The following MYO9A variants were observed in gnomAD, a reference collection of about 807,000 sequenced individuals.
MYO9A encodes unconventional myosin-IXa.
Under a neutral mutation model 293.3 loss-of-function variants are expected in MYO9A, and 103 were observed. The observed-to-expected ratio is 0.35, with a 90% CI of 0.30 to 0.41. The LOEUF is 0.41. MYO9A is among the 10% of genes least tolerant of loss of function. The pLI, the probability that MYO9A is intolerant of heterozygous loss-of-function variation, is 1.00. For missense variants in MYO9A, 2,685 were observed against 3,033.0 expected (o/e 0.89, Z 2.69); for synonymous variants, 1,001 against 1,035.7 (o/e 0.97, Z 0.64).
intron 3 of MYO9A, among the ~76,000 whole-genome samples, chr15:72,029,809 G>A (rs1184163557): frequency 1.3e-5 from 2 of 152,096 alleles, no homozygotes; most frequent in Non-Finnish European, 2.9e-5. Flanking sequence ...CATTGGAAAG[G>A]GGTTCTAGAA....
At chr15:71,866,924 G>A (rs2056346658) in intron 32 of MYO9A, among the ~76,000 whole-genome samples, 1 of 152,072 alleles carries the variant, frequency 6.6e-6, no homozygotes, top group African/African-American at 2.4e-5. Flanking sequence ...AGGCGTGGTG[G>A]CGCACACCTG....
chr15:71,948,953 A>T (rs57686438), intron 15 of MYO9A, among the ~76,000 whole-genome samples: 11 of 55,452 alleles, frequency 2.0e-4, no homozygotes, highest in East Asian at 1.6e-3. Flanking sequence ...TTTTTTTGTG[A>T]GGGGGGGGGA....
chr15:72,027,648 G>T, intron 4 of MYO9A, 83 bp downstream of exon 4: 1 of 1,036,796 alleles, frequency 9.6e-7, no homozygotes, highest in Non-Finnish European at 1.5e-6. Flanking sequence ...TGAATTAAGG[G>T]TCATAATACA....
intron 8 of MYO9A, among the ~76,000 whole-genome samples, chr15:72,005,331 C>A (rs905071502): frequency 6.6e-6 from 1 of 152,140 alleles, no homozygotes; most frequent in Non-Finnish European, 1.5e-5. Flanking sequence ...AGCTGAGTTC[C>A]TCTTTGAGTT....
intron 15 of MYO9A, among the ~76,000 whole-genome samples, chr15:71,951,364 C>A (rs777563061): frequency 6.6e-6 from 1 of 151,996 alleles, no homozygotes; most frequent in Non-Finnish European, 1.5e-5. Flanking sequence ...TGCCTACATA[C>A]GTCAAAACTT....
intron 39 of MYO9A, among the ~76,000 whole-genome samples, chr15:71,832,991 G>A (rs1217791320): frequency 2.0e-5 from 3 of 151,194 alleles, no homozygotes; most frequent in Non-Finnish European, 4.4e-5. Flanking sequence ...TAGTAAAAGA[G>A]TAAAACTTCC....
intron 1 of MYO9A, among the ~76,000 whole-genome samples, chr15:72,047,405 G>T (rs56724924): frequency 3.9e-4 from 59 of 152,170 alleles, no homozygotes; most frequent in African/African-American, 1.4e-3. Flanking sequence ...TTCCTTACAA[G>T]TATTCTGCAT....
chr15:71,892,940 T>G (rs981236107), intron 26 of MYO9A: 2 of 1,214,718 alleles, frequency 1.6e-6, no homozygotes, highest in Admixed American at 6.5e-5. Flanking sequence ...TGCTTGCTAT[T>G]TTTCTTATAT....
At chr15:71,965,670 C>T (rs571402044) in intron 13 of MYO9A, among the ~76,000 whole-genome samples, 1 of 152,106 alleles carries the variant, frequency 6.6e-6, no homozygotes, top group East Asian at 1.9e-4. Flanking sequence ...ACCTGGAGGG[C>T]GGAGGTTGCA....
rs1173380319 is a variant in MYO9A at position 71,960,103 on chromosome 15, G to A, written c.1987-7C>T. 1 of 1,609,476 alleles carries A rather than the reference G, an allele frequency of 6.2e-7. No individual in the cohort carries two copies. The highest frequency in any genetic ancestry group is 8.5e-7 in the Non-Finnish European group (1 of 1,178,446). On this transcript the variant is annotated splice_region_variant and splice_polypyrimidine_tract_variant and intron_variant, in intron 13 of 41. Transcript: ENST00000356056. Reference sequence around the variant, plus strand: ...TATTTTTTTCCCGGAAATCCTATATGAAAAAAGTACCAGTGTTACTTATGG... The same window carrying A: ...TATTTTTTTCCCGGAAATCCTATATAAAAAAAGTACCAGTGTTACTTATGG...
At chr15:72,098,770 G>C (rs1450214782) in intron 1 of MYO9A, among the ~76,000 whole-genome samples, 16 of 151,964 alleles carry the variant, frequency 1.1e-4, no homozygotes, top group Admixed American at 1.0e-3. Context: ...CCAGGAGTTC[G>C]AGACCAGCCT....
In MYO9A at chr15:71,887,999, T is replaced by C; in HGVS notation, c.5255+5A>G. 1 of 1,498,834 alleles carries C rather than the reference T, an allele frequency of 6.7e-7. No homozygotes were observed. Among genetic ancestry groups the C allele is most frequent in the Non-Finnish European group, 9.3e-7 (1 of 1,080,462 alleles). 92.8% of individuals were successfully genotyped at this position (1,498,834 alleles called of 1,614,324 possible). Reference sequence around the variant, plus strand: ...ACCCCTGTTAACTCCGTGTATACTTTATACCTTATATCTGAATCTGAAGCC... The same window carrying C: ...ACCCCTGTTAACTCCGTGTATACTTCATACCTTATATCTGAATCTGAAGCC... On this transcript the variant is annotated splice_donor_5th_base_variant and intron_variant, in intron 27 of 41. Transcript: ENST00000356056.
At position 72,046,155 on chromosome 15, in the gene MYO9A, G is replaced by A. The variant is rs1297349712; in HGVS notation, c.409C>T (p.Arg137Trp). 16 of 1,614,010 alleles carry A rather than the reference G, an allele frequency of 9.9e-6. No homozygotes were observed. Among genetic ancestry groups the A allele is most frequent in the East Asian group, 2.2e-5 (1 of 44,890 alleles). ...TGTTGAGGCTGTGGAAGAAAACCCC[G>A]TTCCATCATCCTGCGACGTTCTTCT... ...VTEERRRMME[R>W]GFLPQPQQKD... is the part of the protein sequence containing the mutation. Residue 137 changes from arginine to tryptophan, a missense_variant, in exon 2 of 42, where the codon CGG becomes TGG. Arg to Trp is a moderately radical substitution (Grantham distance 101). Coordinates refer to ENST00000356056, the MANE Select transcript of MYO9A (RefSeq NM_006901.4).
intron 1 of MYO9A, chr15:72,114,128 C>G (rs1488162841): frequency 6.6e-6 from 1 of 152,104 alleles, no homozygotes; most frequent in Non-Finnish European, 1.5e-5. Flanking sequence ...TCTTTTTCTT[C>G]TTGAGAGCAA....
chr15:72,117,739 A>G lies in MYO9A; in HGVS notation c.-131T>C. On this transcript the variant is annotated 5_prime_UTR_variant, in exon 1 of 42. Coordinates refer to ENST00000356056, the MANE Select transcript of MYO9A (RefSeq NM_006901.4). ...TCCTCTTCGACGGAAGCTGCCTTCC[A>G]CCCTCCGCCCCAGGGTAGGACCGGA... The G allele has an allele frequency of 2.5e-6, 1 of 397,608 alleles. No homozygotes were observed. The highest frequency in any genetic ancestry group is 4.4e-6 in the Non-Finnish European group (1 of 225,212). The allele number at this position is 397,608 out of a possible 1,614,324, so 24.6% of individuals were successfully genotyped here. A position where few individuals can be genotyped will look rare whatever the true frequency, so the allele number is the denominator to read the frequency against.
chr15:72,060,461 G>C (rs1454401080), intron 1 of MYO9A, among the ~76,000 whole-genome samples: 2 of 152,108 alleles, frequency 1.3e-5, no homozygotes, highest in Non-Finnish European at 2.9e-5. Flanking sequence ...AGACAGTCTT[G>C]AACTGCCAAC....
chr15:71,903,737 A>G (rs1461846803), intron 21 of MYO9A, among the ~76,000 whole-genome samples, 192 bp downstream of exon 21: 1 of 152,214 alleles, frequency 6.6e-6, no homozygotes, highest in Non-Finnish European at 1.5e-5. Context: ...CTATTACAAT[A>G]AGCTTAATGA....
chr15:72,099,420 CCCAAAAAAAAA>C (rs1187133540), intron 1 of MYO9A, among the ~76,000 whole-genome samples: 2,003 of 27,844 alleles, frequency 0.072, 36 homozygotes, highest in Non-Finnish European at 0.11. Context: ...AAGACCCTGC[CCCAAAAAAAAA>C]AAAAAAAAAA....
At chr15:71,964,863 G>A (rs924505393) in intron 13 of MYO9A, among the ~76,000 whole-genome samples, 23 of 151,834 alleles carry the variant, frequency 1.5e-4, no homozygotes, top group African/African-American at 4.4e-4. Flanking sequence ...GCTGAGGAAC[G>A]AGAATTGCTT....
Sources: allele counts gnomAD v4.1 joint callset (sites outside exome capture counted in the v4.1 genomes callset), GRCh38; gene constraint gnomAD v4.1.1; transcripts MANE v1.5; gene names NCBI Gene and HGNC (gene_info 2026-07-23, HGNC 2026-07-21).